DPP10: variants seen among roughly 807,000 people sequenced by gnomAD.
The protein encoded by DPP10 is dipeptidyl peptidase like 10, also known as inactive dipeptidyl peptidase 10.
In DPP10, 33 loss-of-function variants were observed where a neutral mutation model predicts 120.9. That is an observed-to-expected ratio of 0.27 (90% CI 0.21 to 0.37). The LOEUF (loss-of-function observed/expected upper bound fraction) is 0.37. Ranked by LOEUF, DPP10 falls within the 10% of genes least tolerant of loss-of-function variation. The probability of loss-of-function intolerance (pLI) is 1.00; values close to 1 mark genes in which losing one functional copy is unlikely to be tolerated. For synonymous variants in DPP10, 337 were observed against 326.1 expected, an observed-to-expected ratio of 1.03 and a Z score of -0.36; for missense variants, 816 against 942.8, an observed-to-expected ratio of 0.87 and a Z score of 1.76.
chr2:114,763,116 C>T (rs932641021), intron 1 of DPP10, among the ~76,000 whole-genome samples: 1 of 152,034 alleles, frequency 6.6e-6, no homozygotes, highest in Non-Finnish European at 1.5e-5. Context: ...TCTAGGAGGA[C>T]GTGGTGTGTT....
At chr2:114,713,982 C>CAA (rs1169560387) in intron 1 of DPP10, among the ~76,000 whole-genome samples, 1 of 97,542 alleles carries the variant, frequency 1.0e-5, no homozygotes, top group Non-Finnish European at 2.2e-5. Flanking sequence ...GAATCCGTCT[C>CAA]AAAAAAAAAA....
chr2:114,691,144 G>A (rs1294267714), intron 1 of DPP10, among the ~76,000 whole-genome samples: 1 of 152,174 alleles, frequency 6.6e-6, no homozygotes, highest in Non-Finnish European at 1.5e-5. Context: ...CCTTGTACTG[G>A]TTTTTCAGGA....
At chr2:115,533,720 G>C (rs1199161100) in intron 5 of DPP10, among the ~76,000 whole-genome samples, 4 of 151,910 alleles carry the variant, frequency 2.6e-5, no homozygotes, top group African/African-American at 7.2e-5. Flanking sequence ...CAAACTCAAA[G>C]AAAGCACAGT....
At position 115,193,247 on chromosome 2, in the gene DPP10, C is replaced by T. The variant is rs1022742676; in HGVS notation, c.61-115992C>T. 3.9e-5 allele frequency among the ~76,000 whole-genome samples: 6 copies of T among 152,222 alleles called. No individual in the cohort carries two copies. In the East Asian group the frequency reaches 1.2e-3, roughly 29 times the overall value. ...TGTAAACATCCCTTTTTTTAAACAA[C>T]CAGTTAATTTACTTTCGGACAAGAA... is the stretch of plus-strand genomic sequence containing the variant. On this transcript the variant is annotated intron_variant, in intron 1 of 25. Coordinates refer to ENST00000410059, the MANE Select transcript of DPP10 (RefSeq NM_020868.6).
intron 1 of DPP10, among the ~76,000 whole-genome samples, chr2:114,564,241 A>T (rs1033302693): frequency 6.6e-6 from 1 of 152,136 alleles, no homozygotes; most frequent in African/African-American, 2.4e-5. Flanking sequence ...TTTGGTTTGA[A>T]TTCTGTCAAC....
rs1679973247 is a variant in DPP10 at position 114,472,142 on chromosome 2, C to T, written c.60+29304C>T. Among the ~76,000 whole-genome samples the T allele has an allele frequency of 3.3e-5, 5 of 152,174 alleles. 1 individual carries two copies. Among genetic ancestry groups the T allele is most frequent in the Admixed American group, 3.3e-4 (5 of 15,270 alleles). The stretch of plus-strand genomic sequence containing the variant: ...GGAGAGATTGGTCCATGTGATTAGG[C>T]TATCTGGGTTTGCTAACTAGTGTTC... On this transcript the variant is annotated intron_variant, in intron 1 of 25. Transcript: ENST00000410059.
intron 1 of DPP10, among the ~76,000 whole-genome samples, chr2:114,445,066 A>G (rs1490538239): frequency 6.6e-6 from 1 of 152,172 alleles, no homozygotes; most frequent in Non-Finnish European, 1.5e-5. Flanking sequence ...ATAACAATCT[A>G]AAGAAAAACT....
In DPP10 at chr2:115,761,096, C is replaced by CA. The variant is rs34165193; in HGVS notation, c.1075-1455dup. 3.9e-3 allele frequency among the ~76,000 whole-genome samples: 350 copies of CA among 90,194 alleles called. 1 individual carries two copies. The highest frequency in any genetic ancestry group is 0.013 in the South Asian group (31 of 2,446). The allele number at this position is 90,194 out of a possible 152,430, so 59.2% of individuals were successfully genotyped here. On this transcript the variant is annotated intron_variant, in intron 11 of 25. Coordinates refer to ENST00000410059, the MANE Select transcript of DPP10 (RefSeq NM_020868.6). Reference sequence around the variant, plus strand: ...TGGGCAACAAAGCAAGACTTTGTCTCAAAAAAAAAAAAAAAAAAAAAGGCA... The same window carrying CA: ...TGGGCAACAAAGCAAGACTTTGTCTCAAAAAAAAAAAAAAAAAAAAAAGGCA...
chr2:115,600,040 G>C (rs1011087659), intron 5 of DPP10, among the ~76,000 whole-genome samples: 2 of 151,718 alleles, frequency 1.3e-5, no homozygotes, highest in Non-Finnish European at 2.9e-5. Flanking sequence ...ACCCCAGAGC[G>C]CCGTCACCTG....
At chr2:115,107,152 C>T (rs1354455515) in intron 1 of DPP10, among the ~76,000 whole-genome samples, 1 of 151,446 alleles carries the variant, frequency 6.6e-6, no homozygotes. Context: ...ACTTCAACCA[C>T]GGTATTTTTA....
intron 1 of DPP10, among the ~76,000 whole-genome samples, chr2:114,671,165 A>G (rs1698313553): frequency 6.6e-6 from 1 of 152,144 alleles, no homozygotes; most frequent in South Asian, 2.1e-4. Flanking sequence ...AGTTGGGAAG[A>G]ATGTTTTAAG....
At chr2:115,505,871 T>C (rs1441603387) in intron 4 of DPP10, among the ~76,000 whole-genome samples, 2 of 152,164 alleles carry the variant, frequency 1.3e-5, no homozygotes, top group Non-Finnish European at 2.9e-5. Context: ...TGGGAGCTGA[T>C]GAATATGTTA....
At chr2:114,959,067 G>T (rs975708093) in intron 1 of DPP10, among the ~76,000 whole-genome samples, 10 of 151,940 alleles carry the variant, frequency 6.6e-5, no homozygotes, top group African/African-American at 2.4e-4. Context: ...TTTTGTTTTT[G>T]TTTTTCTCTG....
Position 115,791,370 on chromosome 2 carries a change from T to G in DPP10, c.1700+14T>G, listed in dbSNP as rs759933554. On this transcript the variant is annotated intron_variant, in intron 19 of 25. Coordinates refer to ENST00000410059, the MANE Select transcript of DPP10 (RefSeq NM_020868.6). ...TCTGTTAATAATGTAAGTATTTTAT[T>G]TGTTTTTAAAATAAAGGAATCTAAA... The G allele has an allele frequency of 2.1e-5, 33 of 1,575,174 alleles. No individual in the cohort carries two copies. In the East Asian group the frequency reaches 5.8e-4, roughly 28 times the overall value.
intron 5 of DPP10, among the ~76,000 whole-genome samples, chr2:115,674,646 T>A (rs1402540227): frequency 6.6e-6 from 1 of 152,182 alleles, no homozygotes; most frequent in Admixed American, 6.5e-5. Context: ...AACATTCTGC[T>A]TTTAGTAATA....
intron 13 of DPP10, among the ~76,000 whole-genome samples, chr2:115,770,288 T>G (rs1681301455): frequency 6.6e-6 from 1 of 152,120 alleles, no homozygotes; most frequent in Admixed American, 6.6e-5. Flanking sequence ...AAGAAATACC[T>G]TCTGTTTCTC....
At chr2:114,767,291 A>AATAT (rs574719381) in intron 1 of DPP10, among the ~76,000 whole-genome samples, 2 of 146,746 alleles carry the variant, frequency 1.4e-5, no homozygotes, top group South Asian at 2.1e-4. Flanking sequence ...AAAGATATAT[A>AATAT]ATATATATAT....
intron 19 of DPP10, among the ~76,000 whole-genome samples, chr2:115,814,284 G>T (rs1314259080): frequency 6.6e-6 from 1 of 151,932 alleles, no homozygotes; most frequent in East Asian, 1.9e-4. Flanking sequence ...AACAATTCAG[G>T]AAATACTAAT....
intron 1 of DPP10, among the ~76,000 whole-genome samples, chr2:114,862,919 C>A (rs1414115676): frequency 5.4e-5 from 7 of 128,930 alleles, no homozygotes; most frequent in Non-Finnish European, 8.3e-5. Flanking sequence ...AAAAACCCCT[C>A]TTCTTTTATT....
Sources: allele counts gnomAD v4.1 joint callset (sites outside exome capture counted in the v4.1 genomes callset), GRCh38; gene constraint gnomAD v4.1.1; transcripts MANE v1.5; gene names NCBI Gene and HGNC (gene_info 2026-07-23, HGNC 2026-07-21).